DPP6: variants seen among roughly 807,000 people sequenced by gnomAD.
DPP6 encodes A-type potassium channel modulatory protein DPP6.
DPP6 carries 69 observed loss-of-function variants against 122.6 expected under a neutral mutation model. That is an observed-to-expected ratio of 0.56 (90% CI 0.46 to 0.69). DPP6 has a LOEUF of 0.69. DPP6 is among the 30% of genes least tolerant of loss of function. The pLI is 0.00. For synonymous variants in DPP6, 418 were observed against 433.1 expected (o/e 0.97, Z 0.43); for missense variants, 928 against 1,116.9 (o/e 0.83, Z 2.41).
intron 16 of DPP6, among the ~76,000 whole-genome samples, chr7:154,850,931 G>A (rs928557396): frequency 1.8e-4 from 28 of 152,294 alleles, no homozygotes; most frequent in African/African-American, 6.7e-4. Context: ...GGTGTGTAAT[G>A]TTAAGATTTT....
rs1802181193 is a variant in DPP6, at chr7:154,849,157, G to C, written c.1667-4623G>C. On this transcript the variant is annotated intron_variant, in intron 16 of 25. Transcript: ENST00000377770. ...TTGGCTATTTGGGGTCTTTGTGGTT[G>C]CATATGAATTTTAGGATTTTTCTGT... Among the ~76,000 whole-genome samples the C allele has an allele frequency of 2.6e-5, 4 of 152,098 alleles. No homozygotes were observed. The South Asian group carries it at 8.3e-4, about 32-fold the overall frequency.
chr7:154,081,144 T>A (rs1476099195), intron 1 of DPP6, among the ~76,000 whole-genome samples: 2 of 151,910 alleles, frequency 1.3e-5, no homozygotes, highest in African/African-American at 4.8e-5. Context: ...ACCTAGCCCC[T>A]GATCAGCTGT....
intron 1 of DPP6, among the ~76,000 whole-genome samples, chr7:153,997,193 G>A (rs1329687957): frequency 6.6e-6 from 1 of 151,962 alleles, no homozygotes; most frequent in African/African-American, 2.4e-5. Context: ...TAAATTGGAG[G>A]GAAACCCCAC....
chr7:154,335,128 A>G (rs1316500801), intron 1 of DPP6, among the ~76,000 whole-genome samples: 1 of 152,204 alleles, frequency 6.6e-6, no homozygotes, highest in Non-Finnish European at 1.5e-5. Flanking sequence ...CCACATGAAG[A>G]TGAAGGTGGT....
At position 154,481,279 on chromosome 7, in the gene DPP6, A is replaced by T. The variant is rs1823250813; in HGVS notation, c.457+6242A>T. On this transcript the variant is annotated intron_variant, in intron 3 of 25. Coordinates refer to ENST00000377770, the MANE Select transcript of DPP6 (RefSeq NM_130797.4). This position sits in a 1 kb window ranked among gnomAD's most constrained non-coding sequence, Gnocchi z 4.2. ...CACAATGTTAGGTATTGTCTATATG[A>T]TGATGAGTTTCAATTCTCTAGCTCA... 6.6e-6 allele frequency among the ~76,000 whole-genome samples: 1 copy of T among 151,958 alleles called. No homozygotes were observed. Among genetic ancestry groups the T allele is most frequent in the Admixed American group, 6.6e-5 (1 of 15,266 alleles).
rs548053204 is a variant in DPP6, at chr7:154,433,136, G to GTTTTTTTTTTT, written c.244-13061_244-13051dup. Among the ~76,000 whole-genome samples, 356 of 72,344 alleles carry GTTTTTTTTTTT rather than the reference G, an allele frequency of 4.9e-3. 57 individuals carry two copies. Among genetic ancestry groups the GTTTTTTTTTTT allele is most frequent in the African/African-American group, 0.02 (344 of 16,822 alleles). The allele number at this position is 72,344 out of a possible 152,430, so 47.5% of individuals were successfully genotyped here. ...TAATGGCTCTCATACTAGACTGCAA[G>GTTTTTTTTTTT]TTTTTTTTTTTTTTTTTTTTTTTTT... On this transcript the variant is annotated intron_variant, in intron 1 of 25. Transcript: ENST00000377770.
At chr7:154,818,306 A>G (rs1799545481) in intron 16 of DPP6, among the ~76,000 whole-genome samples, 1 of 152,184 alleles carries the variant, frequency 6.6e-6, no homozygotes, top group South Asian at 2.1e-4. Flanking sequence ...CTTCTGTCAT[A>G]CATCTTTTGA....
At chr7:153,864,018 G>A in the DPP6 span, among the ~76,000 whole-genome samples, 1 of 152,090 alleles carries the variant, frequency 6.6e-6, no homozygotes, top group African/African-American at 2.4e-5. Flanking sequence ...TTTGACTATT[G>A]TAAATAATGC....
chr7:154,000,434 A>G (rs1342044052), intron 1 of DPP6, among the ~76,000 whole-genome samples: 1 of 152,098 alleles, frequency 6.6e-6, no homozygotes, highest in Non-Finnish European at 1.5e-5. Context: ...AGTGCCTGAT[A>G]TATGGTTGCT....
intron 1 of DPP6, among the ~76,000 whole-genome samples, chr7:154,286,797 A>G (rs1804879348): frequency 7.1e-6 from 1 of 140,942 alleles, no homozygotes; most frequent in South Asian, 2.3e-4. Flanking sequence ...CATGCCTATG[A>G]TTTCTTCTTT....
At chr7:154,589,499 T>C (rs2130720724) in intron 5 of DPP6, among the ~76,000 whole-genome samples, 1 of 152,358 alleles carries the variant, frequency 6.6e-6, no homozygotes, top group East Asian at 1.9e-4. Context: ...CCACCTTTTA[T>C]GCGGCAGTGT....
chr7:153,752,191 C>T, the DPP6 span, among the ~76,000 whole-genome samples: 1 of 152,020 alleles, frequency 6.6e-6, no homozygotes, highest in Non-Finnish European at 1.5e-5. Flanking sequence ...AAGGCAACTT[C>T]ACTTTAAAAC....
chr7:154,149,029 T>A (rs939208339), intron 1 of DPP6, among the ~76,000 whole-genome samples: 1 of 152,168 alleles, frequency 6.6e-6, no homozygotes, highest in African/African-American at 2.4e-5. Flanking sequence ...ATGAGTATGG[T>A]GCAGTATCTC....
chr7:154,001,977 CTG>C (rs771564191), intron 1 of DPP6, among the ~76,000 whole-genome samples: 3 of 151,698 alleles, frequency 2.0e-5, no homozygotes, highest in African/African-American at 2.4e-5. Flanking sequence ...GTTTCATTGT[CTG>C]TGCCACTTTT....
chr7:154,208,934 T>C (rs181542933), intron 1 of DPP6, among the ~76,000 whole-genome samples: 1 of 152,318 alleles, frequency 6.6e-6, no homozygotes, highest in Admixed American at 6.5e-5. Context: ...TCTACTAAAC[T>C]GTTAAATATC....
At chr7:154,763,363 A>ACTCT (rs1795690679) in intron 8 of DPP6, among the ~76,000 whole-genome samples, 1 of 151,812 alleles carries the variant, frequency 6.6e-6, no homozygotes, top group Non-Finnish European at 1.5e-5. Context: ...AAGGAGAGAG[A>ACTCT]GAGAGAGAGA....
At chr7:154,436,263 C>G (rs571969758) in intron 1 of DPP6, among the ~76,000 whole-genome samples, 1 of 151,222 alleles carries the variant, frequency 6.6e-6, no homozygotes, top group Non-Finnish European at 1.5e-5. Flanking sequence ...TGACATGTAG[C>G]CACACATGCA....
At chr7:154,829,562 T>C (rs990732626) in intron 16 of DPP6, among the ~76,000 whole-genome samples, 5 of 151,810 alleles carry the variant, frequency 3.3e-5, no homozygotes, top group African/African-American at 1.2e-4. Flanking sequence ...CAGACCAAGA[T>C]ATTAGCAGGA....
At chr7:154,260,225 C>T (rs1049161855) in intron 1 of DPP6, among the ~76,000 whole-genome samples, 4 of 152,128 alleles carry the variant, frequency 2.6e-5, no homozygotes, top group Non-Finnish European at 5.9e-5. Flanking sequence ...GGGCTTTATC[C>T]TCAGTTCCGT....
Sources: allele counts gnomAD v4.1 joint callset (sites outside exome capture counted in the v4.1 genomes callset), GRCh38; gene constraint gnomAD v4.1.1; non-coding constraint Gnocchi (gnomAD v3.1); transcripts MANE v1.5; gene names NCBI Gene and HGNC (gene_info 2026-07-23, HGNC 2026-07-21).